The following RIMS1 variants were observed in gnomAD, a reference collection of about 807,000 sequenced individuals.
RIMS1 encodes the protein regulating synaptic membrane exocytosis protein 1.
A neutral mutation model predicts 214.1 loss-of-function variants in RIMS1; 83 were observed. The observed-to-expected ratio is 0.39, with a 90% CI of 0.32 to 0.47. The LOEUF is 0.47. Among genes scored for constraint, RIMS1 ranks in the 20% least tolerant of loss-of-function variants. The pLI is 0.99. For missense variants in RIMS1, 2,050 were observed against 2,161.8 expected, an observed-to-expected ratio of 0.95 and a Z score of 1.03; for synonymous variants, 793 against 786.8, an observed-to-expected ratio of 1.01 and a Z score of -0.13.
rs1310748320 is a variant in RIMS1 at position 72,048,118 on chromosome 6, A to G, written c.246-48831A>G. Among the ~76,000 whole-genome samples, 3 of 152,174 alleles carry G rather than the reference A, an allele frequency of 2.0e-5. No homozygotes were observed. In the East Asian group the frequency reaches 5.8e-4, roughly 29 times the overall value. Reference sequence around the variant, plus strand: ...AGAGACAGAAGATAAACAAAATGCAATGTTTTTAAGTACGAATGGTGGACA... The same window carrying G: ...AGAGACAGAAGATAAACAAAATGCAGTGTTTTTAAGTACGAATGGTGGACA... On this transcript the variant is annotated intron_variant, in intron 2 of 33. Coordinates refer to ENST00000521978, the MANE Select transcript of RIMS1 (RefSeq NM_014989.7).
chr6:72,231,443 TTTTACA>T (rs1175776558), intron 6 of RIMS1, among the ~76,000 whole-genome samples: 1 of 151,692 alleles, frequency 6.6e-6, no homozygotes, highest in East Asian at 1.9e-4. Context: ...TGAATGTGTT[TTTTACA>T]TTTACATTTG....
intron 26 of RIMS1, among the ~76,000 whole-genome samples, chr6:72,298,129 C>T (rs995635692): frequency 2.0e-5 from 3 of 151,894 alleles, no homozygotes; most frequent in African/African-American, 7.2e-5. Context: ...CAGTTCTAAG[C>T]AAACGAGGAT....
intron 2 of RIMS1, among the ~76,000 whole-genome samples, chr6:71,989,812 A>T (rs1168419931): frequency 6.6e-6 from 1 of 152,142 alleles, no homozygotes; most frequent in Non-Finnish European, 1.5e-5. Context: ...GTCAAACTCG[A>T]AATAAGATGC....
intron 1 of RIMS1, among the ~76,000 whole-genome samples, chr6:71,892,325 C>T (rs1770160101): frequency 6.6e-6 from 1 of 152,148 alleles, no homozygotes. Context: ...AGAATTCTAG[C>T]CTGTGAGTAT....
chr6:71,974,474 T>A (rs561317680), intron 2 of RIMS1, among the ~76,000 whole-genome samples: 1 of 152,300 alleles, frequency 6.6e-6, no homozygotes, highest in Admixed American at 6.5e-5. Flanking sequence ...TTTAAAATAA[T>A]CTTTTTTGTG....
At chr6:72,353,904 G>T (rs867393312) in intron 29 of RIMS1, among the ~76,000 whole-genome samples, 1 of 152,088 alleles carries the variant, frequency 6.6e-6, no homozygotes, top group Non-Finnish European at 1.5e-5. Flanking sequence ...AAGTAACTGG[G>T]GGTTGGCAGA....
chr6:72,378,834 G>A (rs141784026), intron 29 of RIMS1, among the ~76,000 whole-genome samples: 2,247 of 152,114 alleles, frequency 0.015, 45 homozygotes, highest in African/African-American at 0.051. Context: ...GTGAGACGCC[G>A]TCTCAAAAGA....
chr6:72,124,278 T>C (rs183089923), intron 4 of RIMS1, among the ~76,000 whole-genome samples: 39 of 152,008 alleles, frequency 2.6e-4, no homozygotes, highest in Non-Finnish European at 4.3e-4. Context: ...AATTCTTTTC[T>C]TTAAGAATGT....
intron 1 of RIMS1, among the ~76,000 whole-genome samples, chr6:71,924,270 A>G (rs937635049): frequency 1.3e-5 from 2 of 152,176 alleles, no homozygotes; most frequent in African/African-American, 4.8e-5. Context: ...AAGAAGATTC[A>G]CTATTTAAAA....
intron 1 of RIMS1, among the ~76,000 whole-genome samples, chr6:71,968,553 A>G (rs984834847): frequency 1.7e-4 from 26 of 152,262 alleles, no homozygotes; most frequent in African/African-American, 6.0e-4. Flanking sequence ...GTGGTGATTG[A>G]TGGTGTGAAA....
chr6:72,011,704 A>G (rs1810672886), intron 2 of RIMS1, among the ~76,000 whole-genome samples: 1 of 152,256 alleles, frequency 6.6e-6, no homozygotes, highest in Non-Finnish European at 1.5e-5. Context: ...GAAGACATTT[A>G]TGCAGCCAAA....
chr6:71,956,748 C>G (rs1182479088), intron 1 of RIMS1, among the ~76,000 whole-genome samples: 1 of 152,050 alleles, frequency 6.6e-6, no homozygotes, highest in Non-Finnish European at 1.5e-5. Flanking sequence ...ATGGAGTCCT[C>G]TTGTGGTTTA....
At chr6:72,373,594 A>G (rs147735965) in intron 29 of RIMS1, among the ~76,000 whole-genome samples, 36 of 152,360 alleles carry the variant, frequency 2.4e-4, no homozygotes, top group Middle Eastern at 6.8e-3. Context: ...TCTGCTAAGG[A>G]TGTCAAATTA....
intron 6 of RIMS1, among the ~76,000 whole-genome samples, chr6:72,222,591 CTCT>C (rs1294976099): frequency 3.3e-5 from 5 of 152,042 alleles, no homozygotes; most frequent in Non-Finnish European, 5.9e-5. Context: ...AGCTTCTGAT[CTCT>C]TCTTATTTAC....
At chr6:72,106,264 T>C (rs2153814552) in intron 4 of RIMS1, among the ~76,000 whole-genome samples, 1 of 152,312 alleles carries the variant, frequency 6.6e-6, no homozygotes, top group East Asian at 1.9e-4. Flanking sequence ...ACATCTTTGT[T>C]ATAAAAGACT....
chr6:72,305,263 C>T (rs562966613), intron 26 of RIMS1, among the ~76,000 whole-genome samples: 1 of 151,952 alleles, frequency 6.6e-6, no homozygotes, highest in Non-Finnish European at 1.5e-5. Flanking sequence ...TATAATTATC[C>T]GTGTCTAAGT....
chr6:72,069,035 T>C (rs897498790), intron 2 of RIMS1, among the ~76,000 whole-genome samples: 10 of 151,912 alleles, frequency 6.6e-5, no homozygotes, highest in African/African-American at 2.4e-4. Context: ...CTATAGTAGA[T>C]GGTGAGGTGT....
chr6:72,200,080 T>G (rs1325226000), intron 6 of RIMS1, among the ~76,000 whole-genome samples: 1 of 152,098 alleles, frequency 6.6e-6, no homozygotes, highest in South Asian at 2.1e-4. Flanking sequence ...TTCTATCTAA[T>G]ATTTCTTTTA....
At chr6:72,006,834 A>G (rs1807870140) in intron 2 of RIMS1, among the ~76,000 whole-genome samples, 1 of 152,200 alleles carries the variant, frequency 6.6e-6, no homozygotes, top group South Asian at 2.1e-4. Context: ...GGGAAGCTCG[A>G]ACTTGGTGGA....
Sources: gnomAD v4.1 joint callset for allele counts (sites outside exome capture counted in the v4.1 genomes callset) on GRCh38, gnomAD v4.1.1 for gene constraint, MANE v1.5 for transcripts, NCBI Gene and HGNC (gene_info 2026-07-23, HGNC 2026-07-21) for gene names.